The following MICU1 variants were observed in gnomAD, a reference collection of about 807,000 sequenced individuals.
MICU1 encodes the protein calcium uptake protein 1, mitochondrial.
Under a neutral mutation model 56.8 loss-of-function variants are expected in MICU1, and 45 were observed. That is an observed-to-expected ratio of 0.79 (90% CI 0.62 to 1.02). MICU1 has a LOEUF of 1.02. Among genes scored for constraint, MICU1 ranks in the 50% least tolerant of loss-of-function variants. The probability of loss-of-function intolerance (pLI) is 0.00; values close to 1 mark genes in which losing one functional copy is unlikely to be tolerated. For synonymous variants in MICU1, 186 were observed against 195.1 expected (o/e 0.95, Z 0.39); for missense variants, 504 against 587.1 (o/e 0.86, Z 1.46).
chr10:72,493,166 A>C (rs1286092085), intron 6 of MICU1, among the ~76,000 whole-genome samples: 1 of 152,184 alleles, frequency 6.6e-6, no homozygotes, highest in East Asian at 1.9e-4. Flanking sequence ...AAAAAATAAT[A>C]AGATGTATAT....
chr10:72,377,367 A>C (rs946714260), intron 10 of MICU1, among the ~76,000 whole-genome samples: 2 of 151,894 alleles, frequency 1.3e-5, no homozygotes, highest in African/African-American at 2.4e-5. Context: ...TGATCTGCCC[A>C]CCTCGGCCTC....
At chr10:72,528,029 T>C (rs1868014789) in intron 5 of MICU1, among the ~76,000 whole-genome samples, 1 of 152,162 alleles carries the variant, frequency 6.6e-6, no homozygotes, top group South Asian at 2.1e-4. Context: ...TTTCACCATA[T>C]TGGCCAGGTT....
chr10:72,395,609 C>T (rs192624798), intron 10 of MICU1, among the ~76,000 whole-genome samples: 9 of 152,310 alleles, frequency 5.9e-5, no homozygotes, highest in Admixed American at 2.0e-4. Context: ...TCTTAGCAAC[C>T]GGTAGGCAAG....
At chr10:72,477,152 G>C (rs1866149453) in intron 7 of MICU1, 22 bp downstream of exon 7, 1 of 1,497,304 alleles carries the variant, frequency 6.7e-7, no homozygotes, top group Non-Finnish European at 9.0e-7. Flanking sequence ...TGTATTTAGA[G>C]GAACTCTCCA....
intron 4 of MICU1, among the ~76,000 whole-genome samples, chr10:72,546,527 T>C (rs989403293): frequency 2.0e-5 from 3 of 152,226 alleles, no homozygotes; most frequent in African/African-American, 7.2e-5. Flanking sequence ...GTGGCTACAC[T>C]GGAGCCTCTC....
intron 9 of MICU1, among the ~76,000 whole-genome samples, chr10:72,421,179 A>C (rs1477555375): frequency 6.6e-6 from 1 of 151,732 alleles, no homozygotes; most frequent in Non-Finnish European, 1.5e-5. Flanking sequence ...TGACCTTTTA[A>C]CTGGTCTCTG....
At chr10:72,603,274 C>T (rs1207553758) in intron 1 of MICU1, among the ~76,000 whole-genome samples, 1 of 151,660 alleles carries the variant, frequency 6.6e-6, no homozygotes, top group East Asian at 1.9e-4. Flanking sequence ...GTAATCCCAG[C>T]TACTCGGGAG....
chr10:72,475,011 G>C (rs1190295384), intron 8 of MICU1, 89 bp downstream of exon 8: 27 of 1,102,270 alleles, frequency 2.4e-5, no homozygotes, highest in Non-Finnish European at 3.5e-5. Context: ...CTCACAGCTG[G>C]AGGTAAATGG....
At chr10:72,577,295 A>G (rs977546420) in intron 1 of MICU1, among the ~76,000 whole-genome samples, 1 of 152,058 alleles carries the variant, frequency 6.6e-6, no homozygotes, top group African/African-American at 2.4e-5. Context: ...AGATCACCTG[A>G]GGTCAGAAGT....
At chr10:72,557,751 TAC>T (rs1002446142) in intron 3 of MICU1, among the ~76,000 whole-genome samples, 4 of 152,202 alleles carry the variant, frequency 2.6e-5, no homozygotes, top group African/African-American at 9.7e-5. Flanking sequence ...TATATATACA[TAC>T]ATATATAGAT....
chr10:72,411,583 G>A (rs931687792), intron 9 of MICU1, among the ~76,000 whole-genome samples: 9 of 151,954 alleles, frequency 5.9e-5, no homozygotes, highest in Non-Finnish European at 1.2e-4. Flanking sequence ...CACCCGCCTC[G>A]GCCTCCCAAA....
At chr10:72,611,607 A>G (rs1455767821) in intron 1 of MICU1, among the ~76,000 whole-genome samples, 1 of 152,038 alleles carries the variant, frequency 6.6e-6, no homozygotes, top group Non-Finnish European at 1.5e-5. Flanking sequence ...CCCTAAAAAG[A>G]AAGCCCTGTG....
chr10:72,625,389 CAT>C (rs1240772932), intron 1 of MICU1, among the ~76,000 whole-genome samples: 2 of 152,136 alleles, frequency 1.3e-5, no homozygotes, highest in African/African-American at 4.8e-5. Context: ...CCAACATTCA[CAT>C]AGAGTCAATA....
intron 4 of MICU1, among the ~76,000 whole-genome samples, chr10:72,548,994 G>C (rs1229732428): frequency 6.6e-6 from 1 of 152,100 alleles, no homozygotes; most frequent in Non-Finnish European, 1.5e-5. Flanking sequence ...ACCGCACCTG[G>C]CCAACAACCA....
At position 72,539,862 on chromosome 10, in the gene MICU1, G is replaced by A. The variant is rs1012161294; in HGVS notation, c.494-6073C>T. The stretch of plus-strand genomic sequence containing the variant: ...AGAGGAAGAAACTCATATATTCTTG[G>A]AGAGAAGATAAATTATTCTATCAAC... On this transcript the variant is annotated intron_variant, in intron 4 of 11. Transcript: ENST00000361114. 2.0e-5 allele frequency among the ~76,000 whole-genome samples: 3 copies of A among 152,168 alleles called. No individual in the cohort carries two copies. In the South Asian group the frequency reaches 6.2e-4, roughly 31 times the overall value.
intron 8 of MICU1, among the ~76,000 whole-genome samples, chr10:72,425,173 C>T (rs1159372926): frequency 6.6e-6 from 1 of 152,196 alleles, no homozygotes; most frequent in Non-Finnish European, 1.5e-5. Context: ...TTCTTCAAGG[C>T]ATGTGAAACA....
chr10:72,594,636 C>T (rs1841320654), intron 1 of MICU1, among the ~76,000 whole-genome samples: 1 of 152,098 alleles, frequency 6.6e-6, no homozygotes, highest in Admixed American at 6.5e-5. Context: ...TGGTGGCTCA[C>T]ATCTGCAATC....
intron 10 of MICU1, among the ~76,000 whole-genome samples, chr10:72,399,903 A>G (rs183102346): frequency 1.2e-4 from 19 of 152,296 alleles, no homozygotes; most frequent in Admixed American, 9.8e-4. Flanking sequence ...GGTTGCAGTG[A>G]GCTGAAACTG....
At chr10:72,619,415 A>G (rs1842051416) in intron 1 of MICU1, among the ~76,000 whole-genome samples, 1 of 152,256 alleles carries the variant, frequency 6.6e-6, no homozygotes, top group Non-Finnish European at 1.5e-5. Flanking sequence ...ACTGCACTCC[A>G]GCCTGGGCAA....
Sources: gnomAD v4.1 joint callset for allele counts (sites outside exome capture counted in the v4.1 genomes callset) on GRCh38, gnomAD v4.1.1 for gene constraint, MANE v1.5 for transcripts, NCBI Gene and HGNC (gene_info 2026-07-23, HGNC 2026-07-21) for gene names.